The following KMT2C variants were observed in gnomAD, a reference collection of about 807,000 sequenced individuals.
KMT2C encodes lysine methyltransferase 2C, also known as histone-lysine N-methyltransferase 2C.
A neutral mutation model predicts 507.9 loss-of-function variants in KMT2C; 88 were observed. That is an observed-to-expected ratio of 0.17 (90% CI 0.15 to 0.21). The LOEUF (loss-of-function observed/expected upper bound fraction) is 0.21, where lower values mean the gene tolerates loss of function less well. Among genes scored for constraint, KMT2C ranks in the 10% least tolerant of loss-of-function variants. KMT2C has a pLI of 1.00. For synonymous variants in KMT2C, 2,049 were observed against 2,080.8 expected, an observed-to-expected ratio of 0.98 and a Z score of 0.42; for missense variants, 4,954 against 5,957.8, an observed-to-expected ratio of 0.83 and a Z score of 5.55.
intron 44 of KMT2C, chr7:152,157,919 A>C: frequency 7.5e-7 from 1 of 1,329,458 alleles, no homozygotes; most frequent in Non-Finnish European, 9.9e-7. Flanking sequence ...GGGAGCAGAG[A>C]GAGCTGCTAT....
intron 2 of KMT2C, among the ~76,000 whole-genome samples, chr7:152,351,046 G>A (rs965582887): frequency 9.2e-5 from 14 of 152,022 alleles, no homozygotes; most frequent in Non-Finnish European, 1.9e-4. Context: ...TCCACATTTT[G>A]CCCTGCTGGA....
chr7:152,222,175 A>G, intron 21 of KMT2C, 109 bp from the exon 22 acceptor site: 1 of 727,050 alleles, frequency 1.4e-6, no homozygotes, highest in Non-Finnish European at 2.1e-6. Context: ...TTATTAAAAT[A>G]AATGTTTGAA....
At chr7:152,199,072 A>C (rs1445596006) in intron 27 of KMT2C, among the ~76,000 whole-genome samples, 1 of 152,228 alleles carries the variant, frequency 6.6e-6, no homozygotes, top group Non-Finnish European at 1.5e-5. Context: ...TGATGTTGGT[A>C]CTAGTTACAC....
At chr7:152,217,851 A>G (rs1203083078) in intron 23 of KMT2C, among the ~76,000 whole-genome samples, 4 of 152,210 alleles carry the variant, frequency 2.6e-5, no homozygotes, top group Non-Finnish European at 5.9e-5. Context: ...AACAATGTGT[A>G]CTATTATCAA....
intron 3 of KMT2C, among the ~76,000 whole-genome samples, chr7:152,319,644 C>T (rs2096753822): frequency 6.6e-6 from 1 of 152,094 alleles, no homozygotes; most frequent in Admixed American, 6.5e-5. Flanking sequence ...TCAGGCCCGC[C>T]CGCAGTTATC....
intron 23 of KMT2C, among the ~76,000 whole-genome samples, chr7:152,214,117 T>C (rs1017313580): frequency 2.6e-5 from 4 of 151,658 alleles, no homozygotes; most frequent in Non-Finnish European, 5.9e-5. Flanking sequence ...ACATGGTTGA[T>C]AGGAATGTAA....
intron 1 of KMT2C, among the ~76,000 whole-genome samples, chr7:152,423,460 G>C (rs1400221624): frequency 6.6e-6 from 1 of 152,220 alleles, no homozygotes; most frequent in Non-Finnish European, 1.5e-5. Context: ...CAAAGGAGGA[G>C]GCTGTGTGCC....
In KMT2C at chr7:152,181,436, C is replaced by T. The variant is rs755222856; in HGVS notation, c.6424G>A (p.Val2142Ile). 7 of 1,613,882 alleles carry T rather than the reference C, an allele frequency of 4.3e-6. No individual in the cohort carries two copies. Among genetic ancestry groups the T allele is most frequent in the Non-Finnish European group, 5.9e-6 (7 of 1,179,892 alleles). ...CCTGAAGATTGGGAATAAGAATCTA[C>T]AACAGGTCGTGGAGTTCCTGGGGGT... ...SQPPGTPRPV[V>I]DSYSQSSGTA... Residue 2142 changes from valine to isoleucine, a missense_variant, in exon 36 of 59, where the codon GTA becomes ATA. By Grantham distance (29) the Val-to-Ile change is conservative. Coordinates refer to ENST00000262189, the MANE Select transcript of KMT2C (RefSeq NM_170606.3).
chr7:152,244,378 A>C (rs1201434801), intron 14 of KMT2C, among the ~76,000 whole-genome samples: 1 of 152,090 alleles, frequency 6.6e-6, no homozygotes, highest in Non-Finnish European at 1.5e-5. Context: ...ACATACACCT[A>C]TAAAAATGCT....
rs191189760 is a variant in KMT2C at position 152,182,002 on chromosome 7, C to T, written c.5858G>A (p.Cys1953Tyr). The T allele has an allele frequency of 5.0e-6, 8 of 1,614,166 alleles. No individual in the cohort carries two copies. Among genetic ancestry groups the T allele is most frequent in the Non-Finnish European group, 6.8e-6 (8 of 1,180,018 alleles). ...ANRPSPVRDLCSSSTTNNDPY... is the reference protein window; with the variant it reads ...ANRPSPVRDLYSSSTTNNDPY... ...GTCATTATTTGTCGTGGAAGAAGAACATAAATCTCTGACAGGGGATGGCCT... is the reference window on the plus strand; with the variant it reads ...GTCATTATTTGTCGTGGAAGAAGAATATAAATCTCTGACAGGGGATGGCCT... The change falls in exon 36 of 59, where the codon TGT becomes TAT. Residue 1953 changes from cysteine to tyrosine, a missense_variant. By Grantham distance (194) the Cys-to-Tyr change is radical. Transcript: ENST00000262189.
chr7:152,204,936 A>C (rs1451238151), intron 25 of KMT2C, among the ~76,000 whole-genome samples, 170 bp downstream of exon 25: 1 of 151,894 alleles, frequency 6.6e-6, no homozygotes, highest in African/African-American at 2.4e-5. Flanking sequence ...CTCTATACGC[A>C]CTCAAATCCT....
At chr7:152,353,083 T>C (rs957577912) in intron 2 of KMT2C, among the ~76,000 whole-genome samples, 4 of 152,202 alleles carry the variant, frequency 2.6e-5, no homozygotes, top group African/African-American at 7.2e-5. Flanking sequence ...ATTTTATTCA[T>C]ATAAAAAAAA....
chr7:152,174,892 A>T (rs1037211411), intron 38 of KMT2C, among the ~76,000 whole-genome samples: 2 of 152,204 alleles, frequency 1.3e-5, no homozygotes, highest in Admixed American at 1.3e-4. Context: ...CAAGTTAAAG[A>T]GGTTTATATA....
At chr7:152,241,798 T>C (rs1222748975) in intron 14 of KMT2C, among the ~76,000 whole-genome samples, 2 of 152,238 alleles carry the variant, frequency 1.3e-5, no homozygotes, top group East Asian at 1.9e-4. Flanking sequence ...CTCAAAAATA[T>C]GAGACAGAAA....
chr7:152,369,836 T>C (rs141673092), intron 1 of KMT2C, among the ~76,000 whole-genome samples: 1 of 152,060 alleles, frequency 6.6e-6, no homozygotes, highest in African/African-American at 2.4e-5. Context: ...AACTACCAAC[T>C]CTCGGGTATT....
chr7:152,225,989 G>C (rs1171193884), intron 18 of KMT2C, among the ~76,000 whole-genome samples: 1 of 152,054 alleles, frequency 6.6e-6, no homozygotes, highest in Non-Finnish European at 1.5e-5. Context: ...ACTAAACATA[G>C]TAATACAACT....
chr7:152,263,882 C>T (rs1386084064), intron 8 of KMT2C, among the ~76,000 whole-genome samples: 1 of 151,070 alleles, frequency 6.6e-6, no homozygotes, highest in Non-Finnish European at 1.5e-5. Flanking sequence ...ATTTTAAATT[C>T]AAGAGGAGGG....
At chr7:152,147,845 G>C (rs1248587938) in intron 52 of KMT2C, among the ~76,000 whole-genome samples, 188 bp downstream of exon 52, 2 of 151,974 alleles carry the variant, frequency 1.3e-5, no homozygotes, top group Non-Finnish European at 2.9e-5. Context: ...GATTATGAAA[G>C]TGTTTAGACA....
intron 6 of KMT2C, among the ~76,000 whole-genome samples, chr7:152,296,637 A>G (rs547860749): frequency 6.6e-6 from 1 of 152,216 alleles, no homozygotes; most frequent in East Asian, 1.9e-4. Context: ...GAAAGAGACC[A>G]ATATGTTCTG....
Sources: gnomAD v4.1 joint callset for allele counts (sites outside exome capture counted in the v4.1 genomes callset) on GRCh38, gnomAD v4.1.1 for gene constraint, MANE v1.5 for transcripts, NCBI Gene and HGNC (gene_info 2026-07-23, HGNC 2026-07-21) for gene names.